Variants in ADCY8 observed in about 807,000 individuals in gnomAD.
ADCY8 encodes adenylate cyclase 8, also known as adenylate cyclase type 8.
In ADCY8, 51 loss-of-function variants were observed where a neutral mutation model predicts 119.7. The ratio of observed to expected loss-of-function variants is 0.43; its 90% CI spans 0.34 to 0.54. The LOEUF (loss-of-function observed/expected upper bound fraction) is 0.54. Ranked by LOEUF, ADCY8 falls within the 20% of genes least tolerant of loss-of-function variation. The pLI, the probability that ADCY8 is intolerant of heterozygous loss-of-function variation, is 0.03. For synonymous variants in ADCY8, 665 were observed against 651.0 expected, an observed-to-expected ratio of 1.02 and a Z score of -0.33; for missense variants, 1,383 against 1,598.8, an observed-to-expected ratio of 0.87 and a Z score of 2.30.
chr8:130,895,252 A>ATT (rs1819346530), intron 7 of ADCY8, among the ~76,000 whole-genome samples: 1 of 152,110 alleles, frequency 6.6e-6, no homozygotes, highest in Non-Finnish European at 1.5e-5. Context: ...GACTCCCCAA[A>ATT]CAATGACTCA....
intron 1 of ADCY8, among the ~76,000 whole-genome samples, chr8:131,014,092 T>G (rs879664928): frequency 6.6e-6 from 1 of 152,210 alleles, no homozygotes; most frequent in Non-Finnish European, 1.5e-5. Flanking sequence ...AATCAAGTGG[T>G]CTCCCAATAC....
At chr8:130,813,932 A>G in intron 14 of ADCY8, 137 bp downstream of exon 14, 2 of 1,067,626 alleles carry the variant, frequency 1.9e-6, no homozygotes, top group South Asian at 1.7e-5. Flanking sequence ...TGTAAATTTC[A>G]TAGTGTTAGG....
chr8:130,824,008 C>A (rs377752932), intron 12 of ADCY8, among the ~76,000 whole-genome samples: 1 of 152,088 alleles, frequency 6.6e-6, no homozygotes, highest in East Asian at 1.9e-4. Context: ...TCCCTTGAAG[C>A]CTTTTATTTT....
chr8:130,783,064 G>C lies in ADCY8; in HGVS notation c.3268+627C>G, dbSNP rs536485686. Among the ~76,000 whole-genome samples the C allele has an allele frequency of 4.6e-5, 7 of 152,328 alleles. No individual in the cohort carries two copies. The South Asian group carries it at 1.2e-3, about 27-fold the overall frequency. On this transcript the variant is annotated intron_variant, in intron 17 of 17. Transcript: ENST00000286355. ...AAATGAGAATGTGGACTAGACCAGGGATATTCAGACTGCATTTTAGGAGGT... is the reference window on the plus strand; with the variant it reads ...AAATGAGAATGTGGACTAGACCAGGCATATTCAGACTGCATTTTAGGAGGT...
chr8:131,034,055 T>G (rs987890435), intron 1 of ADCY8, among the ~76,000 whole-genome samples: 1 of 152,082 alleles, frequency 6.6e-6, no homozygotes, highest in Admixed American at 6.6e-5. Flanking sequence ...ATGCACACCA[T>G]AACTAGTGAG....
At chr8:130,871,074 T>C (rs187735714) in intron 8 of ADCY8, among the ~76,000 whole-genome samples, 27 of 152,310 alleles carry the variant, frequency 1.8e-4, no homozygotes, top group Middle Eastern at 3.4e-3. Flanking sequence ...TTTCAGAATG[T>C]GGTGCATTGT....
At chr8:130,852,913 T>C (rs1817583151) in intron 9 of ADCY8, among the ~76,000 whole-genome samples, 1 of 152,214 alleles carries the variant, frequency 6.6e-6, no homozygotes, top group Non-Finnish European at 1.5e-5. Flanking sequence ...GGGCTGAGTA[T>C]ACAGAAGGTG....
At chr8:131,009,096 G>T (rs962958112) in intron 1 of ADCY8, among the ~76,000 whole-genome samples, 1 of 152,200 alleles carries the variant, frequency 6.6e-6, no homozygotes, top group African/African-American at 2.4e-5. Context: ...AGAAATTCGA[G>T]CCAGCTGGAG....
At chr8:130,814,951 T>C (rs1057118966) in intron 13 of ADCY8, among the ~76,000 whole-genome samples, 1 of 152,202 alleles carries the variant, frequency 6.6e-6, no homozygotes, top group Non-Finnish European at 1.5e-5. Flanking sequence ...TCTGTGTCCC[T>C]CTCAAATTCA....
Position 130,951,834 on chromosome 8 carries a change from G to A in ADCY8, c.1241+34C>T, listed in dbSNP as rs774736998. 3 of 1,612,174 alleles carry A rather than the reference G, an allele frequency of 1.9e-6. No individual in the cohort carries two copies. The East Asian group carries it at 6.7e-5, about 36-fold the overall frequency. On this transcript the variant is annotated intron_variant, in intron 3 of 17. Transcript: ENST00000286355. Reference sequence around the variant, plus strand: ...GAGCACCCAAACACACATGGATCATGCAAGAGCCGGGGCAAGGGTGTTGTG... The same window carrying A: ...GAGCACCCAAACACACATGGATCATACAAGAGCCGGGGCAAGGGTGTTGTG...
At chr8:130,860,693 A>G (rs1055032116) in intron 9 of ADCY8, among the ~76,000 whole-genome samples, 1 of 152,166 alleles carries the variant, frequency 6.6e-6, no homozygotes, top group Non-Finnish European at 1.5e-5. Context: ...TTACATAGGT[A>G]TACATCTGCC....
At chr8:130,996,095 A>G (rs1030145378) in intron 1 of ADCY8, among the ~76,000 whole-genome samples, 2 of 152,174 alleles carry the variant, frequency 1.3e-5, no homozygotes, top group African/African-American at 4.8e-5. Flanking sequence ...CATTGGTAAG[A>G]TAAAACACCA....
intron 14 of ADCY8, among the ~76,000 whole-genome samples, chr8:130,809,503 C>CTA (rs1419586817): frequency 6.6e-6 from 1 of 152,158 alleles, no homozygotes; most frequent in Admixed American, 6.5e-5. Context: ...AGCAAATATC[C>CTA]TATAGTATCT....
intron 9 of ADCY8, among the ~76,000 whole-genome samples, chr8:130,864,789 C>A (rs1279227506): frequency 2.6e-5 from 4 of 152,046 alleles, no homozygotes; most frequent in Non-Finnish European, 5.9e-5. Context: ...TCTATTAGAA[C>A]CTTTAATATA....
intron 5 of ADCY8, among the ~76,000 whole-genome samples, chr8:130,915,630 A>C (rs1820103207): frequency 6.6e-6 from 1 of 152,214 alleles, no homozygotes; most frequent in Non-Finnish European, 1.5e-5. Flanking sequence ...TCATAAAATA[A>C]TGTATGTAAA....
intron 8 of ADCY8, among the ~76,000 whole-genome samples, chr8:130,872,733 A>G (rs1818412373): frequency 2.0e-5 from 3 of 152,222 alleles, no homozygotes; most frequent in Non-Finnish European, 2.9e-5. Context: ...AACTGATAAT[A>G]GGGAAGAAAA....
At chr8:131,013,289 G>C (rs1823367493) in intron 1 of ADCY8, among the ~76,000 whole-genome samples, 1 of 152,120 alleles carries the variant, frequency 6.6e-6, no homozygotes, top group South Asian at 2.1e-4. Flanking sequence ...ATGAAGAGGA[G>C]TGGACCAAGA....
chr8:130,952,034 G>A (rs764473582), intron 2 of ADCY8, 36 bp from the exon 3 acceptor site: 1 of 1,608,886 alleles, frequency 6.2e-7, no homozygotes, highest in Admixed American at 1.7e-5. Flanking sequence ...CTGTTAGGCT[G>A]ACCAGCGAGT....
chr8:130,833,766 G>A (rs1270048243), intron 12 of ADCY8, among the ~76,000 whole-genome samples: 1 of 152,004 alleles, frequency 6.6e-6, no homozygotes, highest in Non-Finnish European at 1.5e-5. Flanking sequence ...CTGAGCACAG[G>A]GTCACTACTG....
Sources: allele counts gnomAD v4.1 joint callset (sites outside exome capture counted in the v4.1 genomes callset), GRCh38; gene constraint gnomAD v4.1.1; transcripts MANE v1.5; gene names NCBI Gene and HGNC (gene_info 2026-07-23, HGNC 2026-07-21).